Variants in CBLC observed in about 807,000 individuals in gnomAD.
CBLC encodes the protein Cbl proto-oncogene C.
CBLC carries 46 observed loss-of-function variants against 58.6 expected under a neutral mutation model. The ratio of observed to expected loss-of-function variants is 0.79; its 90% CI spans 0.62 to 1.00. CBLC has a LOEUF of 1.00. Ranked by LOEUF, CBLC falls within the 50% of genes least tolerant of loss-of-function variation. CBLC has a pLI of 0.00. For synonymous variants in CBLC, 271 were observed against 264.2 expected (o/e 1.03, Z -0.25); for missense variants, 655 against 625.8 (o/e 1.05, Z -0.50).
intron 9 of CBLC, 27 bp from the exon 10 acceptor site, chr19:44,800,354 C>T (rs776401872): frequency 1.2e-5 from 18 of 1,533,326 alleles, no homozygotes; most frequent in Admixed American, 1.2e-4. Context: ...GGGAATCAAC[C>T]GCCCTCTCAA....
At chr19:44,789,935 G>A (rs1968002174) in intron 5 of CBLC, 69 bp from the exon 6 acceptor site, 3 of 1,002,160 alleles carry the variant, frequency 3.0e-6, no homozygotes, top group African/African-American at 3.2e-5. Context: ...AGGGGGTAAA[G>A]GTACTTGTTC....
At chr19:44,791,752 G>T (rs1968056504) in intron 6 of CBLC, among the ~76,000 whole-genome samples, 1 of 150,224 alleles carries the variant, frequency 6.7e-6, no homozygotes, top group Non-Finnish European at 1.5e-5. Flanking sequence ...AAAAAAAAAT[G>T]AGTGTAGACA....
In CBLC at chr19:44,800,374, A is replaced by C; in HGVS notation, c.1363-7A>C. 1.2e-6 allele frequency: 2 copies of C among 1,603,962 alleles called. No individual in the cohort carries two copies. The highest frequency in any genetic ancestry group is 1.7e-6 in the Non-Finnish European group (2 of 1,170,854). On this transcript the variant is annotated splice_polypyrimidine_tract_variant and splice_region_variant and intron_variant, in intron 9 of 10. Coordinates refer to ENST00000647358, the MANE Select transcript of CBLC (RefSeq NM_012116.4). Reference sequence around the variant, plus strand: ...TCAACCGCCCTCTCAAAATATCTCCATTGCAGAGACTCCTAAAGGGGAACT... The same window carrying C: ...TCAACCGCCCTCTCAAAATATCTCCCTTGCAGAGACTCCTAAAGGGGAACT...
intron 9 of CBLC, among the ~76,000 whole-genome samples, chr19:44,799,645 T>TCTG (rs1968246487): frequency 6.6e-6 from 1 of 150,684 alleles, no homozygotes; most frequent in African/African-American, 2.4e-5. Flanking sequence ...GTTTTTTCGG[T>TCTG]TTGTTGTTGT....
Position 44,784,633 on chromosome 19 carries a change from G to A in CBLC, c.917+232G>A, listed in dbSNP as rs114309179. 2.5e-3 allele frequency among the ~76,000 whole-genome samples: 381 copies of A among 152,292 alleles called. 1 individual carries two copies. The highest frequency in any genetic ancestry group is 8.8e-3 in the African/African-American group (366 of 41,564). On this transcript the variant is annotated intron_variant, in intron 5 of 10. Coordinates refer to ENST00000647358, the MANE Select transcript of CBLC (RefSeq NM_012116.4). ...ATAGATCGGGCCCAGCCACAGCTCC[G>A]AGGAGAAGTGTGTGGGGCATTGGGC... is the stretch of plus-strand genomic sequence containing the variant.
At chr19:44,779,006 G>A (rs996420554) in intron 1 of CBLC, among the ~76,000 whole-genome samples, 1 of 152,142 alleles carries the variant, frequency 6.6e-6, no homozygotes, top group Admixed American at 6.6e-5. Flanking sequence ...GCCCGATTTT[G>A]CCATTTCCTT....
chr19:44,792,605 T>C (rs1968084261), intron 7 of CBLC, 91 bp downstream of exon 7: 1 of 1,335,736 alleles, frequency 7.5e-7, no homozygotes, highest in East Asian at 2.6e-5. Context: ...ATTGATCATA[T>C]GGGGAAACCG....
intron 4 of CBLC, among the ~76,000 whole-genome samples, 179 bp from the exon 5 acceptor site, chr19:44,784,085 A>G (rs981099624): frequency 3.3e-5 from 5 of 152,182 alleles, no homozygotes; most frequent in African/African-American, 9.7e-5. Context: ...GCAGGCAAAA[A>G]CAGCATATAT....
chr19:44,778,079 C>G lies in CBLC; in HGVS notation c.148C>G (p.Arg50Gly), dbSNP rs1446927956. ...CCCTTCGCTGCGGGACCTGCTGCCC[C>G]GCACAGCGCAGCTGCTTCGAGAGGT... ...SPPSLRDLLP[R>G]TAQLLREVAH... Residue 50 changes from arginine (R) to glycine (G), a missense_variant, in exon 1 of 11, where the codon CGC (arginine) becomes GGC (glycine). Physicochemically the swap from Arg to Gly is moderately radical, Grantham distance 125. Coordinates refer to ENST00000647358, the MANE Select transcript of CBLC (RefSeq NM_012116.4). 1.9e-6 allele frequency: 3 copies of G among 1,608,090 alleles called. No individual in the cohort carries two copies. Among genetic ancestry groups the G allele is most frequent in the African/African-American group, 1.3e-5 (1 of 74,860 alleles).
At chr19:44,784,030 G>A (rs1215024329) in intron 4 of CBLC, among the ~76,000 whole-genome samples, 1 of 152,166 alleles carries the variant, frequency 6.6e-6, no homozygotes, top group Admixed American at 6.6e-5. Flanking sequence ...AGCGAGGAGA[G>A]ATCTCCAAAT....
At chr19:44,798,523 G>A (rs182641028) in intron 9 of CBLC, among the ~76,000 whole-genome samples, 11 of 152,162 alleles carry the variant, frequency 7.2e-5, no homozygotes, top group East Asian at 3.9e-4. Context: ...AGACCAGCCC[G>A]GCCAACATGG....
intron 1 of CBLC, among the ~76,000 whole-genome samples, chr19:44,778,838 A>G (rs1449530486): frequency 1.0e-5 from 1 of 97,776 alleles, no homozygotes; most frequent in Admixed American, 1.0e-4. Context: ...CAGACCCAGA[A>G]ACTCAGGCCC....
At chr19:44,788,692 G>A (rs1967973156) in intron 5 of CBLC, among the ~76,000 whole-genome samples, 1 of 151,640 alleles carries the variant, frequency 6.6e-6, no homozygotes, top group South Asian at 2.1e-4. Flanking sequence ...TAGTAGAAAC[G>A]GGGTTTCACC....
intron 4 of CBLC, among the ~76,000 whole-genome samples, chr19:44,783,100 G>C (rs1967793586): frequency 6.6e-6 from 1 of 152,216 alleles, no homozygotes; most frequent in Non-Finnish European, 1.5e-5. Flanking sequence ...GCCCCGCACA[G>C]TGGCTCACAC....
chr19:44,778,304 C>A lies in CBLC; in HGVS notation c.353+20C>A, dbSNP rs1967627005. ...ACTCAGGTGAGCCTTCGCCCCAGAA[C>A]AAAGTCCTCTGGGGTGAGGCCCAGG... On this transcript the variant is annotated intron_variant, in intron 1 of 10. Transcript: ENST00000647358. 3 of 1,420,938 alleles carry A rather than the reference C, an allele frequency of 2.1e-6. No individual in the cohort carries two copies. In the Admixed American group the frequency reaches 9.0e-5, roughly 43 times the overall value. The allele number at this position is 1,420,938 out of a possible 1,614,324, so 88.0% of individuals were successfully genotyped here.
chr19:44,797,574 CTTTTTT>C (rs763685561), intron 9 of CBLC, among the ~76,000 whole-genome samples: 6 of 133,214 alleles, frequency 4.5e-5, no homozygotes, highest in African/African-American at 1.7e-4. Flanking sequence ...CCTGGCATTG[CTTTTTT>C]TTTTTTTTTA....
chr19:44,786,673 C>T (rs1384684740), intron 5 of CBLC, among the ~76,000 whole-genome samples: 2 of 152,112 alleles, frequency 1.3e-5, no homozygotes, highest in Non-Finnish European at 2.9e-5. Context: ...ACATTGAACT[C>T]ACAACCAACA....
intron 3 of CBLC, 31 bp from the exon 4 acceptor site, chr19:44,782,339 G>T: frequency 6.2e-7 from 1 of 1,612,090 alleles, no homozygotes; most frequent in Non-Finnish European, 8.5e-7. Flanking sequence ...TTCCCTGGTC[G>T]CTCCCTGACC....
At position 44,789,981 on chromosome 19, in the gene CBLC, C is replaced by A. The variant is rs767618607; in HGVS notation, c.918-23C>A. 8 of 1,524,750 alleles carry A rather than the reference C, an allele frequency of 5.2e-6. No homozygotes were observed. In the South Asian group the frequency reaches 5.6e-5, roughly 11 times the overall value. The allele number at this position is 1,524,750 out of a possible 1,614,324, so 94.5% of individuals were successfully genotyped here. A position where few individuals can be genotyped will look rare whatever the true frequency, so the allele number is the denominator to read the frequency against. Reference sequence around the variant, plus strand: ...GGGAAATACTGGATGGCCCCCCAGTCCCCCTCTCTTCCCTTCCCCCAGCTA... The same window carrying A: ...GGGAAATACTGGATGGCCCCCCAGTACCCCTCTCTTCCCTTCCCCCAGCTA... On this transcript the variant is annotated intron_variant, in intron 5 of 10. Transcript: ENST00000647358.
Sources: gnomAD v4.1 joint callset for allele counts (sites outside exome capture counted in the v4.1 genomes callset) on GRCh38, gnomAD v4.1.1 for gene constraint, MANE v1.5 for transcripts, NCBI Gene and HGNC (gene_info 2026-07-23, HGNC 2026-07-21) for gene names.